The following NOX3 variants were observed in gnomAD, a reference collection of about 807,000 sequenced individuals.
NOX3 encodes the protein NADPH oxidase catalytic subunit-like 3.
In NOX3, 74 loss-of-function variants were observed where a neutral mutation model predicts 76.7. The observed-to-expected ratio is 0.96, with a 90% CI of 0.80 to 1.17. The LOEUF is 1.17. Among genes scored for constraint, NOX3 ranks in the 50% most tolerant of loss-of-function variants. NOX3 has a pLI of 0.00. For synonymous variants in NOX3, 263 were observed against 261.1 expected (o/e 1.01, Z -0.07); for missense variants, 695 against 703.3 (o/e 0.99, Z 0.13).
intron 11 of NOX3, among the ~76,000 whole-genome samples, chr6:155,408,680 T>C (rs551420787): frequency 2.6e-5 from 4 of 152,206 alleles, no homozygotes; most frequent in African/African-American, 7.2e-5. Context: ...GTACTCACAA[T>C]AGCAAAATCA....
chr6:155,435,652 T>C (rs922201589), intron 7 of NOX3, among the ~76,000 whole-genome samples: 4 of 152,226 alleles, frequency 2.6e-5, no homozygotes, highest in Admixed American at 6.5e-5. Context: ...TTTTGGACAC[T>C]TATTTCCTCC....
At chr6:155,432,906 C>A (rs1293958842) in intron 7 of NOX3, among the ~76,000 whole-genome samples, 1 of 152,038 alleles carries the variant, frequency 6.6e-6, no homozygotes, top group Non-Finnish European at 1.5e-5. Flanking sequence ...ATCCTTAGGT[C>A]TCTTATGCTT....
chr6:155,421,568 C>T (rs1009488049), intron 10 of NOX3, among the ~76,000 whole-genome samples: 18 of 152,102 alleles, frequency 1.2e-4, no homozygotes, highest in East Asian at 3.9e-4. Flanking sequence ...ATCTTTTCTG[C>T]GGAACTTTTT....
Position 155,432,735 on chromosome 6 carries a change from C to T in NOX3, c.799-1800G>A, listed in dbSNP as rs545115974. Among the ~76,000 whole-genome samples the T allele has an allele frequency of 3.3e-5, 5 of 152,280 alleles. No individual in the cohort carries two copies. The South Asian group carries it at 1.0e-3, about 32-fold the overall frequency. Reference sequence around the variant, plus strand: ...ACACAAGGCAACACAATTTGACCCACTTATTTTTTCTGCCTCAGTAGGGCC... The same window carrying T: ...ACACAAGGCAACACAATTTGACCCATTTATTTTTTCTGCCTCAGTAGGGCC... On this transcript the variant is annotated intron_variant, in intron 7 of 13. Coordinates refer to ENST00000159060, the MANE Select transcript of NOX3 (RefSeq NM_015718.3).
At chr6:155,404,771 G>T (rs1254299361) in intron 12 of NOX3, among the ~76,000 whole-genome samples, 1 of 152,134 alleles carries the variant, frequency 6.6e-6, no homozygotes, top group African/African-American at 2.4e-5. Context: ...TGGGTGCAGG[G>T]TGCAGAGAGG....
At chr6:155,445,938 G>T (rs4621644) in intron 4 of NOX3, among the ~76,000 whole-genome samples, 125 of 128,760 alleles carry the variant, frequency 9.7e-4, no homozygotes, top group African/African-American at 2.6e-3. Context: ...ATATGCTATA[G>T]ATATATAATA....
intron 4 of NOX3, among the ~76,000 whole-genome samples, chr6:155,449,925 T>C (rs1426859095): frequency 6.6e-6 from 1 of 152,248 alleles, no homozygotes; most frequent in African/African-American, 2.4e-5. Flanking sequence ...GGTGTTTGCA[T>C]GAAACCAAGG....
At chr6:155,450,082 A>G (rs1777114896) in intron 4 of NOX3, among the ~76,000 whole-genome samples, 1 of 152,212 alleles carries the variant, frequency 6.6e-6, no homozygotes, top group Non-Finnish European at 1.5e-5. Flanking sequence ...GAAACACCGC[A>G]GCTCTGCTGG....
chr6:155,415,992 T>C (rs772440633), intron 10 of NOX3, among the ~76,000 whole-genome samples: 1 of 152,214 alleles, frequency 6.6e-6, no homozygotes, highest in Non-Finnish European at 1.5e-5. Flanking sequence ...AAACTTGACC[T>C]CTAGCACCAG....
chr6:155,407,940 C>G (rs1326671295), intron 11 of NOX3, among the ~76,000 whole-genome samples: 2 of 151,986 alleles, frequency 1.3e-5, no homozygotes. Context: ...CAGCATAATC[C>G]CTTGTGATCA....
chr6:155,401,364 G>A lies in NOX3; in HGVS notation c.1581-4402C>T, dbSNP rs185780378. 2.0e-3 allele frequency among the ~76,000 whole-genome samples: 300 copies of A among 152,228 alleles called. 3 individuals are homozygous for A. Among genetic ancestry groups the A allele is most frequent in the African/African-American group, 6.5e-3 (271 of 41,518 alleles). ...CCCATGAAGCTGTAACTTATCATGT[G>A]TTGTATTTCCATTTAAGTCTATTTC... On this transcript the variant is annotated intron_variant, in intron 12 of 13. Transcript: ENST00000159060.
chr6:155,442,610 G>A (rs892624697), intron 5 of NOX3, among the ~76,000 whole-genome samples: 1 of 152,220 alleles, frequency 6.6e-6, no homozygotes, highest in Non-Finnish European at 1.5e-5. Flanking sequence ...CAAAGAAAGA[G>A]GTAGGGGTGA....
At chr6:155,424,407 C>T (rs1471844523) in intron 9 of NOX3, among the ~76,000 whole-genome samples, 1 of 152,180 alleles carries the variant, frequency 6.6e-6, no homozygotes, top group African/African-American at 2.4e-5. Context: ...TTTCAGTCAG[C>T]AGAATGTATT....
chr6:155,400,025 T>G (rs1042967879), intron 12 of NOX3, among the ~76,000 whole-genome samples: 1 of 152,200 alleles, frequency 6.6e-6, no homozygotes. Context: ...GCTGCAAAGA[T>G]GGCTAACATT....
intron 9 of NOX3, among the ~76,000 whole-genome samples, chr6:155,428,459 A>C (rs1286375254): frequency 6.6e-6 from 1 of 152,172 alleles, no homozygotes; most frequent in Non-Finnish European, 1.5e-5. Context: ...ACTGTGATAG[A>C]AAAAAATGCC....
In NOX3 at chr6:155,430,872, G is replaced by A. The variant is rs560159515; in HGVS notation, c.862C>T (p.Arg288Ter). Residue 288 changes from arginine to a stop codon, truncating the protein, a stop_gained, in exon 8 of 14, where the codon CGA (arginine) becomes TGA (stop). Coordinates refer to ENST00000159060, the MANE Select transcript of NOX3 (RefSeq NM_015718.3). LOFTEE classifies it high-confidence loss of function. ...GTAATGACAACTTCTTGTTGAAATCGCCAGAACCTAATTATTCTTTCACAT... is the reference window on the plus strand; with the variant it reads ...GTAATGACAACTTCTTGTTGAAATCACCAGAACCTAATTATTCTTTCACAT... ...YACERIIRFW[R>*]FQQEVVITKV... 1.9e-6 allele frequency: 3 copies of A among 1,612,686 alleles called. No individual in the cohort carries two copies. The highest frequency in any genetic ancestry group is 1.1e-5 in the South Asian group (1 of 90,994).
intron 10 of NOX3, among the ~76,000 whole-genome samples, chr6:155,419,172 T>C (rs1335353685): frequency 2.0e-5 from 3 of 152,252 alleles, no homozygotes; most frequent in African/African-American, 7.2e-5. Flanking sequence ...ATTAGTTACA[T>C]AAGCCTAATA....
intron 7 of NOX3, among the ~76,000 whole-genome samples, chr6:155,433,315 A>G (rs1776858522): frequency 6.6e-6 from 1 of 152,192 alleles, no homozygotes; most frequent in Admixed American, 6.5e-5. Flanking sequence ...AGAGATGGCC[A>G]GGGATGAATA....
intron 4 of NOX3, among the ~76,000 whole-genome samples, chr6:155,447,280 G>T (rs1336020872): frequency 6.6e-6 from 1 of 151,982 alleles, no homozygotes; most frequent in Admixed American, 6.6e-5. Context: ...CAGGCAATCT[G>T]CCCTCCTTGG....
Sources: gnomAD v4.1 joint callset for allele counts (sites outside exome capture counted in the v4.1 genomes callset) on GRCh38, gnomAD v4.1.1 for gene constraint, MANE v1.5 for transcripts, NCBI Gene and HGNC (gene_info 2026-07-23, HGNC 2026-07-21) for gene names.